Variants in NXPH1 observed in about 807,000 individuals in gnomAD.
The protein encoded by NXPH1 is neurexophilin 1.
NXPH1 carries 5 observed loss-of-function variants against 23.7 expected under a neutral mutation model. The ratio of observed to expected loss-of-function variants is 0.21; its 90% confidence interval spans 0.11 to 0.44. The LOEUF (loss-of-function observed/expected upper bound fraction) is 0.44, where lower values mean the gene tolerates loss of function less well. Among genes scored for constraint, NXPH1 ranks in the 20% least tolerant of loss-of-function variants. The pLI is 0.99. For missense variants in NXPH1, 324 were observed against 321.6 expected, an observed-to-expected ratio of 1.01 and a Z score of -0.06; for synonymous variants, 144 against 122.2, an observed-to-expected ratio of 1.18 and a Z score of -1.18.
chr7:8,515,582 C>A (rs990320354), intron 2 of NXPH1, among the ~76,000 whole-genome samples: 4 of 98,606 alleles, frequency 4.1e-5, no homozygotes, highest in Non-Finnish European at 6.3e-5. Context: ...GTATATATTG[C>A]ACCAAAAGTA....
intron 2 of NXPH1, among the ~76,000 whole-genome samples, chr7:8,694,543 G>C (rs1821273195): frequency 6.6e-6 from 1 of 151,984 alleles, no homozygotes; most frequent in African/African-American, 2.4e-5. Flanking sequence ...ATGAAACTTT[G>C]AATTCTTAAT....
rs375998086 is a variant in NXPH1 at position 8,532,927 on chromosome 7, C to G, written c.54+97160C>G. On this transcript the variant is annotated intron_variant, in intron 2 of 2. Transcript: ENST00000405863. ...GAGGCAATGTATGTTAAACATTTAG[C>G]TTAGAGCCTGATAAATAGTGTACTA... is the stretch of plus-strand genomic sequence containing the variant. 2.9e-4 allele frequency among the ~76,000 whole-genome samples: 44 copies of G among 152,064 alleles called. 1 individual carries two copies. The highest frequency in any genetic ancestry group is 2.4e-3 in the Admixed American group (37 of 15,252).
chr7:8,496,942 A>C lies in NXPH1; in HGVS notation c.54+61175A>C, dbSNP rs1343390506. Reference sequence around the variant, plus strand: ...GTGCAGGTTTGTTACATATGTATACATGTGCCATGTTGGTGTGCTGCACCC... The same window carrying C: ...GTGCAGGTTTGTTACATATGTATACCTGTGCCATGTTGGTGTGCTGCACCC... On this transcript the variant is annotated intron_variant, in intron 2 of 2. Coordinates refer to ENST00000405863, the MANE Select transcript of NXPH1 (RefSeq NM_152745.3). Among the ~76,000 whole-genome samples the C allele has an allele frequency of 4.6e-5, 7 of 152,216 alleles. No homozygotes were observed. In the East Asian group the frequency reaches 1.2e-3, roughly 25 times the overall value.
intron 2 of NXPH1, among the ~76,000 whole-genome samples, chr7:8,685,044 A>G (rs925527548): frequency 7.9e-5 from 12 of 152,036 alleles, no homozygotes; most frequent in African/African-American, 2.7e-4. Flanking sequence ...TCCTAGACCT[A>G]CTTTTCTTGT....
chr7:8,524,503 AT>A (rs1333035907), intron 2 of NXPH1, among the ~76,000 whole-genome samples: 1 of 152,154 alleles, frequency 6.6e-6, no homozygotes, highest in African/African-American at 2.4e-5. Context: ...TTTGGAAATC[AT>A]AGCATGGATT....
chr7:8,668,301 A>G (rs1820812759), intron 2 of NXPH1, among the ~76,000 whole-genome samples: 1 of 136,064 alleles, frequency 7.3e-6, no homozygotes, highest in Non-Finnish European at 1.5e-5. Flanking sequence ...TATGTTGATA[A>G]CTGCACATTT....
intron 2 of NXPH1, among the ~76,000 whole-genome samples, chr7:8,730,135 C>A (rs1780124556): frequency 6.7e-6 from 1 of 149,614 alleles, no homozygotes; most frequent in African/African-American, 2.4e-5. Flanking sequence ...GGTTTAAAGT[C>A]TGTTTTATCA....
At chr7:8,479,533 C>T (rs922608602) in intron 2 of NXPH1, among the ~76,000 whole-genome samples, 4 of 152,090 alleles carry the variant, frequency 2.6e-5, no homozygotes, top group Non-Finnish European at 5.9e-5. Flanking sequence ...TCTCTGCCCC[C>T]TTAAAGGCTT....
At chr7:8,524,423 G>T (rs577465530) in intron 2 of NXPH1, among the ~76,000 whole-genome samples, 158 of 152,124 alleles carry the variant, frequency 1.0e-3, no homozygotes, top group African/African-American at 3.7e-3. Context: ...GAGTCTTTCT[G>T]CAGGATCTGC....
chr7:8,442,396 C>T lies in NXPH1; in HGVS notation c.54+6629C>T, dbSNP rs1262277318. 1.3e-5 allele frequency among the ~76,000 whole-genome samples: 2 copies of T among 152,204 alleles called. No individual in the cohort carries two copies. Among genetic ancestry groups the T allele is most frequent in the Admixed American group, 6.5e-5 (1 of 15,286 alleles). ...CCTGCCTCTGGCCGCGCCTCGCCATCACCCCCGCCGCCCTAATGGATTCTG... is the reference window on the plus strand; with the variant it reads ...CCTGCCTCTGGCCGCGCCTCGCCATTACCCCCGCCGCCCTAATGGATTCTG... On this transcript the variant is annotated intron_variant, in intron 2 of 2. Transcript: ENST00000405863. The surrounding 1 kb of genome is among the most constrained non-coding windows in gnomAD (Gnocchi z 4.6).
chr7:8,736,137 G>C (rs1780250695), intron 2 of NXPH1, among the ~76,000 whole-genome samples: 1 of 152,010 alleles, frequency 6.6e-6, no homozygotes, highest in African/African-American at 2.4e-5. Context: ...CTTCAGTTCT[G>C]CTCTGATCTT....
intron 2 of NXPH1, among the ~76,000 whole-genome samples, chr7:8,642,860 C>A (rs893410506): frequency 6.7e-6 from 1 of 149,612 alleles, no homozygotes; most frequent in African/African-American, 2.5e-5. Context: ...TTTTTTTTTT[C>A]CTTTTTCTTT....
At chr7:8,653,124 T>C (rs1231754396) in intron 2 of NXPH1, among the ~76,000 whole-genome samples, 2 of 152,210 alleles carry the variant, frequency 1.3e-5, no homozygotes, top group Non-Finnish European at 2.9e-5. Flanking sequence ...CTGCTTTTTT[T>C]TTCAAGGCTT....
At chr7:8,684,652 A>G (rs1336810827) in intron 2 of NXPH1, among the ~76,000 whole-genome samples, 1 of 152,200 alleles carries the variant, frequency 6.6e-6, no homozygotes, top group Admixed American at 6.6e-5. Context: ...TTTACTTTCA[A>G]TAATAAACCG....
chr7:8,434,117 G>C lies in NXPH1; in HGVS notation c.-749G>C, dbSNP rs1486468467. ...GGACTCCACTGGGGACCGGCTCCTG[G>C]GCTTCCCAGCGTCGCGGGTAGAGGT... On this transcript the variant is annotated 5_prime_UTR_variant, in exon 1 of 3. Coordinates refer to ENST00000405863, the MANE Select transcript of NXPH1 (RefSeq NM_152745.3). This position sits in a 1 kb window ranked among gnomAD's most constrained non-coding sequence, Gnocchi z 7.6. The C allele has an allele frequency of 8.5e-5, 13 of 152,258 alleles. No homozygotes were observed. The highest frequency in any genetic ancestry group is 3.1e-4 in the African/African-American group (13 of 41,450). The allele number at this position is 152,258 out of a possible 1,614,324, so 9.4% of individuals were successfully genotyped here.
At chr7:8,750,906 G>A (rs1780552547) in intron 2 of NXPH1, 102 bp from the exon 3 acceptor site, 3 of 1,178,232 alleles carry the variant, frequency 2.5e-6, no homozygotes, top group African/African-American at 1.5e-5. Flanking sequence ...AAAAAAAAGT[G>A]TAATTATTTA....
chr7:8,728,832 A>T (rs1231823275), intron 2 of NXPH1, among the ~76,000 whole-genome samples: 2 of 152,152 alleles, frequency 1.3e-5, no homozygotes, highest in African/African-American at 4.8e-5. Flanking sequence ...TGAGTTTGGT[A>T]TCAGGATGAT....
At chr7:8,746,936 GC>G (rs1735783595) in intron 2 of NXPH1, among the ~76,000 whole-genome samples, 1 of 151,196 alleles carries the variant, frequency 6.6e-6, no homozygotes, top group African/African-American at 2.4e-5. Flanking sequence ...AATGCTTTAT[GC>G]TCTTAAATCC....
intron 2 of NXPH1, among the ~76,000 whole-genome samples, chr7:8,554,616 A>G (rs969743815): frequency 6.6e-6 from 1 of 151,716 alleles, no homozygotes; most frequent in African/African-American, 2.4e-5. Flanking sequence ...GAAAAGCAAA[A>G]GAGTATTTGG....
Sources: allele counts gnomAD v4.1 joint callset (sites outside exome capture counted in the v4.1 genomes callset), GRCh38; gene constraint gnomAD v4.1.1; non-coding constraint Gnocchi (gnomAD v3.1); transcripts MANE v1.5; gene names NCBI Gene and HGNC (gene_info 2026-07-23, HGNC 2026-07-21).